ANKS1B: variants seen among roughly 807,000 people sequenced by gnomAD.
The protein encoded by ANKS1B is ankyrin repeat and sterile alpha motif domain containing 1B, also known as ankyrin repeat and sterile alpha motif domain-containing protein 1B.
A neutral mutation model predicts 148.3 loss-of-function variants in ANKS1B; 36 were observed. That is an observed-to-expected ratio of 0.24 (90% CI 0.19 to 0.32). ANKS1B has a LOEUF of 0.32. Ranked by LOEUF, ANKS1B falls within the 10% of genes least tolerant of loss-of-function variation. The probability of loss-of-function intolerance (pLI) is 1.00; values close to 1 mark genes in which losing one functional copy is unlikely to be tolerated. For synonymous variants in ANKS1B, 542 were observed against 560.8 expected, an observed-to-expected ratio of 0.97 and a Z score of 0.47; for missense variants, 1,157 against 1,542.6, an observed-to-expected ratio of 0.75 and a Z score of 4.19.
At position 99,379,758 on chromosome 12, in the gene ANKS1B, G is replaced by A. The variant is rs189962601; in HGVS notation, c.1756+19873C>T. Among the ~76,000 whole-genome samples, 7 of 152,224 alleles carry A rather than the reference G, an allele frequency of 4.6e-5. No individual in the cohort carries two copies. The East Asian group carries it at 9.7e-4, about 21-fold the overall frequency. Reference sequence around the variant, plus strand: ...GTTGTGAATCCTAGTGTCTACTTACGATAATTTAATGACAATAAATCTAGG... The same window carrying A: ...GTTGTGAATCCTAGTGTCTACTTACAATAATTTAATGACAATAAATCTAGG... On this transcript the variant is annotated intron_variant, in intron 12 of 26. Coordinates refer to ENST00000683438, the MANE Select transcript of ANKS1B (RefSeq NM_001352186.2).
At chr12:99,185,544 C>G (rs1255959155) in intron 14 of ANKS1B, among the ~76,000 whole-genome samples, 1 of 152,018 alleles carries the variant, frequency 6.6e-6, no homozygotes, top group Non-Finnish European at 1.5e-5. Flanking sequence ...ACTGAGGTAC[C>G]CGGTTTGTCT....
At chr12:98,930,562 A>G (rs2099812765) in intron 17 of ANKS1B, among the ~76,000 whole-genome samples, 1 of 152,202 alleles carries the variant, frequency 6.6e-6, no homozygotes, top group Admixed American at 6.5e-5. Flanking sequence ...ATGGATACAT[A>G]ACTGTGGTGT....
intron 1 of ANKS1B, among the ~76,000 whole-genome samples, chr12:99,924,803 A>G (rs1168199075): frequency 6.6e-6 from 1 of 152,168 alleles, no homozygotes; most frequent in Non-Finnish European, 1.5e-5. Flanking sequence ...TAAGCCACTC[A>G]GTCAATGGTA....
At position 98,752,549 on chromosome 12, in the gene ANKS1B, G is replaced by A. The variant is rs577291988; in HGVS notation, c.3580-1027C>T. ...TGGGATTGCAGGAGTGAGCCACCAC[G>A]CCTGGTCCACGGGTGCATCTTTAAG... On this transcript the variant is annotated intron_variant, in intron 25 of 26. Transcript: ENST00000683438. 6.6e-5 allele frequency among the ~76,000 whole-genome samples: 10 copies of A among 152,258 alleles called. No individual in the cohort carries two copies. The South Asian group carries it at 1.7e-3, about 25-fold the overall frequency.
intron 1 of ANKS1B, among the ~76,000 whole-genome samples, chr12:99,830,269 T>C (rs1464816018): frequency 1.3e-5 from 2 of 152,152 alleles, no homozygotes; most frequent in Non-Finnish European, 2.9e-5. Flanking sequence ...GTGACCATAG[T>C]TCCTACAGCA....
intron 4 of ANKS1B, among the ~76,000 whole-genome samples, chr12:99,804,736 A>C (rs1208150904): frequency 6.6e-6 from 1 of 152,038 alleles, no homozygotes; most frequent in Non-Finnish European, 1.5e-5. Flanking sequence ...ACAGAGGTAG[A>C]CTCTATTTTC....
intron 17 of ANKS1B, among the ~76,000 whole-genome samples, chr12:99,011,326 T>C (rs1395416216): frequency 6.6e-6 from 1 of 152,172 alleles, no homozygotes; most frequent in Non-Finnish European, 1.5e-5. Context: ...GTTGCATAAG[T>C]AAAAGAATGT....
intron 14 of ANKS1B, among the ~76,000 whole-genome samples, chr12:99,186,438 G>A (rs2079868506): frequency 6.6e-6 from 1 of 152,156 alleles, no homozygotes; most frequent in Non-Finnish European, 1.5e-5. Flanking sequence ...CATGCCTCCT[G>A]ACTGAGAGAT....
At chr12:99,048,766 A>C (rs948949472) in intron 17 of ANKS1B, 1 of 152,408 alleles carries the variant, frequency 6.6e-6, no homozygotes, top group Non-Finnish European at 1.5e-5. Flanking sequence ...ATGAGGACAA[A>C]TGTCAGGGTG....
At chr12:99,108,744 TAC>T (rs2059717566) in intron 15 of ANKS1B, among the ~76,000 whole-genome samples, 1 of 151,880 alleles carries the variant, frequency 6.6e-6, no homozygotes, top group Non-Finnish European at 1.5e-5. Flanking sequence ...GAGAAGAGGA[TAC>T]AGAGATAATT....
intron 25 of ANKS1B, among the ~76,000 whole-genome samples, chr12:98,770,225 G>A (rs1341273008): frequency 6.6e-6 from 1 of 152,222 alleles, no homozygotes; most frequent in African/African-American, 2.4e-5. Context: ...GAAAAGTCCA[G>A]CAACTTCTCT....
intron 8 of ANKS1B, among the ~76,000 whole-genome samples, chr12:99,656,636 G>A (rs527828511): frequency 4.6e-5 from 7 of 152,024 alleles, no homozygotes; most frequent in Non-Finnish European, 7.4e-5. Context: ...TGAACAAAAG[G>A]AGCTCCAAAA....
At chr12:99,850,096 A>G (rs1350884906) in intron 1 of ANKS1B, among the ~76,000 whole-genome samples, 1 of 152,170 alleles carries the variant, frequency 6.6e-6, no homozygotes, top group Non-Finnish European at 1.5e-5. Context: ...TGGAGATTTC[A>G]TTAGATAACA....
intron 1 of ANKS1B, among the ~76,000 whole-genome samples, chr12:99,962,836 C>T (rs1321899817): frequency 1.7e-4 from 20 of 118,626 alleles, no homozygotes; most frequent in African/African-American, 5.2e-4. Context: ...TTTTTTGAGA[C>T]GGAGTCTCGC....
chr12:99,012,375 C>G (rs925085668), intron 17 of ANKS1B, among the ~76,000 whole-genome samples: 3 of 152,222 alleles, frequency 2.0e-5, no homozygotes, highest in Non-Finnish European at 2.9e-5. Flanking sequence ...AGGAATGTCT[C>G]AGTCTAGCAT....
At chr12:99,421,913 C>T (rs1411574172) in intron 11 of ANKS1B, among the ~76,000 whole-genome samples, 1 of 152,088 alleles carries the variant, frequency 6.6e-6, no homozygotes, top group Admixed American at 6.5e-5. Flanking sequence ...GTGTGTGGCA[C>T]CTCCCCACCA....
chr12:99,380,296 A>G (rs2093585353), intron 12 of ANKS1B, among the ~76,000 whole-genome samples: 1 of 152,272 alleles, frequency 6.6e-6, no homozygotes, highest in African/African-American at 2.4e-5. Flanking sequence ...AAGTAAGCAC[A>G]TAGAAATTAC....
intron 10 of ANKS1B, among the ~76,000 whole-genome samples, chr12:99,461,374 A>C (rs149837504): frequency 6.6e-6 from 1 of 152,158 alleles, no homozygotes; most frequent in East Asian, 1.9e-4. Context: ...AATCACCACT[A>C]AAGAACTTAT....
intron 9 of ANKS1B, among the ~76,000 whole-genome samples, chr12:99,584,513 T>C (rs1274225999): frequency 2.0e-5 from 3 of 152,154 alleles, no homozygotes; most frequent in African/African-American, 7.2e-5. Flanking sequence ...TAAAGGATTG[T>C]TTGAGCCCAG....
Sources: allele counts gnomAD v4.1 joint callset (sites outside exome capture counted in the v4.1 genomes callset), GRCh38; gene constraint gnomAD v4.1.1; transcripts MANE v1.5; gene names NCBI Gene and HGNC (gene_info 2026-07-23, HGNC 2026-07-21).